Variants in TACC2 observed in about 807,000 individuals in gnomAD.
The protein encoded by TACC2 is transforming acidic coiled-coil-containing protein 2.
Under a neutral mutation model 227.3 loss-of-function variants are expected in TACC2, and 137 were observed. The ratio of observed to expected loss-of-function variants is 0.60; its 90% CI spans 0.52 to 0.69. The LOEUF is 0.69. TACC2 is among the 30% of genes least tolerant of loss of function. The probability of loss-of-function intolerance (pLI) is 0.00; values close to 1 mark genes in which losing one functional copy is unlikely to be tolerated. For missense variants in TACC2, 3,470 were observed against 3,694.4 expected (o/e 0.94, Z 1.57); for synonymous variants, 1,523 against 1,487.5 (o/e 1.02, Z -0.55).
chr10:122,249,746 G>T (rs10887111), intron 22 of TACC2, 82 bp downstream of exon 22: 9 of 1,493,438 alleles, frequency 6.0e-6, no homozygotes, highest in African/African-American at 2.8e-5. Flanking sequence ...GACAGGCTGG[G>T]CTTCCCTGGC....
At chr10:122,189,076 A>G (rs185411268) in intron 7 of TACC2, among the ~76,000 whole-genome samples, 30 of 152,286 alleles carry the variant, frequency 2.0e-4, no homozygotes, top group African/African-American at 6.7e-4. Context: ...TTGTATATGC[A>G]GGATGGATGA....
At chr10:122,010,000 G>A (rs568567222) in intron 1 of TACC2, among the ~76,000 whole-genome samples, 2 of 152,172 alleles carry the variant, frequency 1.3e-5, no homozygotes, top group African/African-American at 4.8e-5. Flanking sequence ...TGATGTTAGC[G>A]AAAACTCTCT....
intron 7 of TACC2, among the ~76,000 whole-genome samples, chr10:122,152,220 C>G (rs566668949): frequency 3.3e-5 from 5 of 152,322 alleles, no homozygotes; most frequent in African/African-American, 1.2e-4. Context: ...TGCTGAGCAT[C>G]ATTTCCTGGC....
chr10:122,069,417 A>G (rs975912936), intron 3 of TACC2, among the ~76,000 whole-genome samples: 5 of 151,316 alleles, frequency 3.3e-5, no homozygotes, highest in African/African-American at 7.3e-5. Flanking sequence ...AATTTTTTAT[A>G]TTTTTTAGTA....
intron 7 of TACC2, among the ~76,000 whole-genome samples, chr10:122,170,401 G>A (rs2093413728): frequency 6.6e-6 from 1 of 150,388 alleles, no homozygotes; most frequent in African/African-American, 2.5e-5. Flanking sequence ...CTCCCAAGTA[G>A]CTGGAAATAC....
intron 6 of TACC2, among the ~76,000 whole-genome samples, chr10:122,134,467 C>T (rs1379510252): frequency 2.0e-5 from 3 of 152,154 alleles, no homozygotes; most frequent in Admixed American, 2.0e-4. Flanking sequence ...GCGTGAGCCA[C>T]CTCGCCTGGC....
chr10:122,040,760 A>G (rs1392931896), intron 2 of TACC2, among the ~76,000 whole-genome samples: 1 of 152,150 alleles, frequency 6.6e-6, no homozygotes, highest in Non-Finnish European at 1.5e-5. Context: ...AAAAAACATA[A>G]TTTTCAACTC....
intron 3 of TACC2, among the ~76,000 whole-genome samples, chr10:122,063,620 G>A (rs1779828697): frequency 6.6e-6 from 1 of 152,068 alleles, no homozygotes; most frequent in Non-Finnish European, 1.5e-5. Flanking sequence ...ATAGCGAAGA[G>A]TGCAGAGTGG....
intron 7 of TACC2, among the ~76,000 whole-genome samples, chr10:122,155,833 A>ATTTTTTTTTTTTTTTTTTTTTT (rs66559186): frequency 8.5e-6 from 1 of 118,304 alleles, no homozygotes; most frequent in Admixed American, 9.8e-5. Context: ...TAGTGGGAAA[A>ATTTTTTTTTTTTTTTTTTTTTT]TTTTTTTTTT....
chr10:122,134,826 C>T (rs2089236514), intron 6 of TACC2, among the ~76,000 whole-genome samples: 3 of 152,298 alleles, frequency 2.0e-5, no homozygotes, highest in African/African-American at 4.8e-5. Flanking sequence ...CTGGACTTGG[C>T]GGGATGGCTC....
chr10:122,169,457 G>A (rs1040668418), intron 7 of TACC2, among the ~76,000 whole-genome samples: 1 of 152,150 alleles, frequency 6.6e-6, no homozygotes, highest in East Asian at 1.9e-4. Context: ...AGGCTTTCTG[G>A]GCCATTCCGT....
At chr10:122,108,756 C>G (rs1279234363) in intron 5 of TACC2, among the ~76,000 whole-genome samples, 5 of 139,882 alleles carry the variant, frequency 3.6e-5, no homozygotes, top group African/African-American at 1.3e-4. Context: ...TTTTTCTTTT[C>G]TTGAGTCTCG....
intron 3 of TACC2, among the ~76,000 whole-genome samples, chr10:122,082,359 A>G (rs758623107): frequency 2.0e-4 from 31 of 152,184 alleles, no homozygotes; most frequent in Non-Finnish European, 4.0e-4. Flanking sequence ...TTATACTACT[A>G]TAAATGAGTT....
At position 122,140,058 on chromosome 10, in the gene TACC2, G is replaced by T. The variant is rs563938340; in HGVS notation, c.5700-3514G>T. 1.8e-4 allele frequency among the ~76,000 whole-genome samples: 27 copies of T among 152,344 alleles called. 1 individual carries two copies. In the East Asian group the frequency reaches 5.2e-3, roughly 29 times the overall value. ...GCGGCCGGATCTGCAGGGCTGTCGG[G>T]CTGAATGTGAGCCCTGGAGCTGTGT... On this transcript the variant is annotated intron_variant, in intron 6 of 22. Transcript: ENST00000369005.
intron 3 of TACC2, among the ~76,000 whole-genome samples, chr10:122,064,426 C>T (rs2077174498): frequency 6.6e-6 from 1 of 152,120 alleles, no homozygotes; most frequent in African/African-American, 2.4e-5. Flanking sequence ...GTAAGTTCTC[C>T]CTCAGTGTCA....
At chr10:122,226,334 C>T in intron 12 of TACC2, 32 bp from the exon 13 acceptor site, 1 of 1,519,838 alleles carries the variant, frequency 6.6e-7, no homozygotes, top group South Asian at 1.1e-5. Context: ...GCCAACTGTA[C>T]CCAAGCTGAT....
At chr10:122,143,529 G>T (rs773790626) in intron 6 of TACC2, 43 bp from the exon 7 acceptor site, 4 of 1,592,816 alleles carry the variant, frequency 2.5e-6, no homozygotes, top group Non-Finnish European at 1.7e-6. Context: ...TGCCATTAAT[G>T]AGCCCAGCAC....
intron 7 of TACC2, chr10:122,192,380 C>T (rs953919131): frequency 4.0e-5 from 11 of 277,330 alleles, no homozygotes; most frequent in South Asian, 3.1e-4. Flanking sequence ...GCATCCGGCC[C>T]TCCCTGTTGC....
intron 10 of TACC2, among the ~76,000 whole-genome samples, 199 bp from the exon 11 acceptor site, chr10:122,216,428 T>C (rs940530903): frequency 2.0e-5 from 3 of 151,304 alleles, no homozygotes; most frequent in Middle Eastern, 3.4e-3. Flanking sequence ...CAAACCATCA[T>C]AAAAGGAGAT....
Sources: allele counts gnomAD v4.1 joint callset (sites outside exome capture counted in the v4.1 genomes callset), GRCh38; gene constraint gnomAD v4.1.1; transcripts MANE v1.5; gene names NCBI Gene and HGNC (gene_info 2026-07-23, HGNC 2026-07-21).